Variants in NPAS3 observed in about 807,000 individuals in gnomAD.
The protein encoded by NPAS3 is neuronal PAS domain-containing protein 3.
NPAS3 carries 14 observed loss-of-function variants against 73.1 expected under a neutral mutation model. The observed-to-expected ratio is 0.19, with a 90% CI of 0.13 to 0.30. The LOEUF is 0.30. Ranked by LOEUF, NPAS3 falls within the 10% of genes least tolerant of loss-of-function variation. The pLI, the probability that NPAS3 is intolerant of heterozygous loss-of-function variation, is 1.00. For synonymous variants in NPAS3, 620 were observed against 541.5 expected (o/e 1.14, Z -2.01); for missense variants, 1,096 against 1,250.0 (o/e 0.88, Z 1.86).
intron 3 of NPAS3, among the ~76,000 whole-genome samples, chr14:33,276,611 T>C (rs1301060045): frequency 6.6e-6 from 1 of 152,126 alleles, no homozygotes; most frequent in Non-Finnish European, 1.5e-5. Context: ...TACTTCTTTT[T>C]TTTTCCCTGA....
At chr14:33,252,298 CT>C (rs1283945577) in intron 3 of NPAS3, among the ~76,000 whole-genome samples, 1 of 151,828 alleles carries the variant, frequency 6.6e-6, no homozygotes, top group Non-Finnish European at 1.5e-5. Context: ...TCAGATATAG[CT>C]TTGGTTCATT....
chr14:33,195,490 A>G (rs2046320194), intron 2 of NPAS3, among the ~76,000 whole-genome samples: 1 of 152,106 alleles, frequency 6.6e-6, no homozygotes, highest in East Asian at 1.9e-4. Context: ...GTTGGTCTTG[A>G]ACTCCTGACC....
intron 5 of NPAS3, among the ~76,000 whole-genome samples, chr14:33,671,433 T>C (rs1413211822): frequency 6.6e-6 from 1 of 152,160 alleles, no homozygotes; most frequent in Admixed American, 6.5e-5. Context: ...AGTGTGCAAA[T>C]TACATGCAAG....
chr14:33,360,111 C>T (rs548907214), intron 3 of NPAS3, among the ~76,000 whole-genome samples: 2 of 152,358 alleles, frequency 1.3e-5, no homozygotes, highest in African/African-American at 4.8e-5. Flanking sequence ...TGGACTGGAT[C>T]CTCGTCAGCT....
intron 5 of NPAS3, among the ~76,000 whole-genome samples, chr14:33,585,650 T>C (rs747949098): frequency 2.1e-4 from 32 of 152,226 alleles, no homozygotes; most frequent in Non-Finnish European, 3.7e-4. Context: ...ATGACTCTTA[T>C]ATTAATCTTA....
At chr14:33,616,687 G>C (rs761585471) in intron 5 of NPAS3, among the ~76,000 whole-genome samples, 1 of 152,166 alleles carries the variant, frequency 6.6e-6, no homozygotes. Context: ...CTTTAAAACC[G>C]CAACATTTTT....
At chr14:33,252,590 A>G (rs749886083) in intron 3 of NPAS3, among the ~76,000 whole-genome samples, 13 of 151,948 alleles carry the variant, frequency 8.6e-5, no homozygotes, top group Non-Finnish European at 1.8e-4. Context: ...TCTTCACCTT[A>G]CTTTTCATTA....
chr14:33,485,790 C>T (rs1304098522), intron 4 of NPAS3, among the ~76,000 whole-genome samples: 4 of 152,108 alleles, frequency 2.6e-5, no homozygotes, highest in African/African-American at 7.2e-5. Context: ...GGTTTCTTCT[C>T]TCCCCACGTT....
intron 3 of NPAS3, among the ~76,000 whole-genome samples, chr14:33,271,797 G>C (rs1189303998): frequency 6.6e-6 from 1 of 151,886 alleles, no homozygotes; most frequent in Admixed American, 6.6e-5. Flanking sequence ...CATTTGGGGG[G>C]ACAATATTGT....
chr14:33,313,185 T>C (rs1566786759), intron 3 of NPAS3, among the ~76,000 whole-genome samples: 1 of 152,100 alleles, frequency 6.6e-6, no homozygotes, highest in African/African-American at 2.4e-5. Flanking sequence ...TTAGTATCTC[T>C]ATGGGTTTTA....
intron 3 of NPAS3, among the ~76,000 whole-genome samples, chr14:33,231,673 C>A (rs945654358): frequency 2.0e-5 from 3 of 152,122 alleles, no homozygotes; most frequent in African/African-American, 7.2e-5. Context: ...CATTTCATTT[C>A]TTATAAAACC....
chr14:33,345,170 C>T (rs1271665422), intron 3 of NPAS3, among the ~76,000 whole-genome samples: 4 of 152,190 alleles, frequency 2.6e-5, no homozygotes, highest in Admixed American at 6.5e-5. Context: ...CTAATTTACT[C>T]TAAACGTAAA....
chr14:33,434,790 A>G (rs2048918720), intron 4 of NPAS3, among the ~76,000 whole-genome samples: 1 of 152,258 alleles, frequency 6.6e-6, no homozygotes, highest in African/African-American at 2.4e-5. Context: ...GTTTAAATAA[A>G]TAAAAATTGA....
chr14:33,507,217 A>T (rs17101379), intron 4 of NPAS3, among the ~76,000 whole-genome samples: 41,299 of 151,706 alleles, frequency 0.27, 6,357 homozygotes, highest in East Asian at 0.44. Flanking sequence ...GAACGTAAGG[A>T]TAGAATGCAG....
intron 3 of NPAS3, among the ~76,000 whole-genome samples, chr14:33,364,404 G>T (rs1296225401): frequency 6.6e-6 from 1 of 152,200 alleles, no homozygotes; most frequent in Non-Finnish European, 1.5e-5. Context: ...TAATGCTCAA[G>T]TTAAAGCTGG....
intron 4 of NPAS3, among the ~76,000 whole-genome samples, chr14:33,522,372 G>T (rs1229310941): frequency 6.6e-6 from 1 of 152,004 alleles, no homozygotes; most frequent in Non-Finnish European, 1.5e-5. Flanking sequence ...CCGCCACATT[G>T]CAGAGTTCAC....
intron 3 of NPAS3, among the ~76,000 whole-genome samples, chr14:33,235,572 T>C (rs578205563): frequency 6.6e-6 from 1 of 152,192 alleles, no homozygotes; most frequent in African/African-American, 2.4e-5. Context: ...AGAGACTCTC[T>C]AAATAGGTAA....
intron 6 of NPAS3, among the ~76,000 whole-genome samples, chr14:33,683,876 A>G (rs2060011391): frequency 6.6e-6 from 1 of 152,214 alleles, no homozygotes; most frequent in Non-Finnish European, 1.5e-5. Context: ...GTTGGCATTC[A>G]TATCCTCTTG....
chr14:33,172,665 G>A (rs1446507647), intron 2 of NPAS3, among the ~76,000 whole-genome samples: 1 of 152,018 alleles, frequency 6.6e-6, no homozygotes, highest in Non-Finnish European at 1.5e-5. Context: ...GAACCTTGGA[G>A]GCGGAGGTTA....
Sources: allele counts gnomAD v4.1 joint callset (sites outside exome capture counted in the v4.1 genomes callset), GRCh38; gene constraint gnomAD v4.1.1; transcripts MANE v1.5; gene names NCBI Gene and HGNC (gene_info 2026-07-23, HGNC 2026-07-21).